Variants in DLG2 observed in about 807,000 individuals in gnomAD.
DLG2 encodes discs large MAGUK scaffold protein 2.
Under a neutral mutation model 132.5 loss-of-function variants are expected in DLG2, and 45 were observed. The ratio of observed to expected loss-of-function variants is 0.34; its 90% CI spans 0.27 to 0.44. DLG2 has a LOEUF of 0.44. Ranked by LOEUF, DLG2 falls within the 20% of genes least tolerant of loss-of-function variation. The pLI, the probability that DLG2 is intolerant of heterozygous loss-of-function variation, is 1.00. For missense variants in DLG2, 1,045 were observed against 1,196.9 expected (o/e 0.87, Z 1.87); for synonymous variants, 424 against 419.6 (o/e 1.01, Z -0.13).
At chr11:84,016,794 AG>A (rs1186492456) in intron 11 of DLG2, among the ~76,000 whole-genome samples, 1 of 152,134 alleles carries the variant, frequency 6.6e-6, no homozygotes, top group Non-Finnish European at 1.5e-5. Flanking sequence ...CAAGAGATCA[AG>A]TAAAACATTC....
At chr11:84,205,175 A>T (rs2096649239) in intron 8 of DLG2, among the ~76,000 whole-genome samples, 3 of 152,218 alleles carry the variant, frequency 2.0e-5, no homozygotes, top group African/African-American at 7.2e-5. Context: ...TAAAAGACAG[A>T]TTCAGCAGAA....
chr11:83,516,603 C>T (rs1239990919), intron 21 of DLG2, among the ~76,000 whole-genome samples: 1 of 152,222 alleles, frequency 6.6e-6, no homozygotes, highest in Non-Finnish European at 1.5e-5. Context: ...TTAGTTGATG[C>T]AGTTTCCTCT....
Position 84,621,007 on chromosome 11 carries a change from G to A in DLG2, c.358-86276C>T, listed in dbSNP as rs113589923. Among the ~76,000 whole-genome samples, 626 of 152,074 alleles carry A rather than the reference G, an allele frequency of 4.1e-3. 7 individuals carry two copies. Among genetic ancestry groups the A allele is most frequent in the African/African-American group, 0.014 (597 of 41,516 alleles). The stretch of plus-strand genomic sequence containing the variant: ...CAGAAATATTGCACAGAGTAGAAAC[G>A]AACAATATACTACTACATGCAACAA... On this transcript the variant is annotated intron_variant, in intron 6 of 27. Coordinates refer to ENST00000376104, the MANE Select transcript of DLG2 (RefSeq NM_001142699.3).
chr11:84,154,189 G>A (rs1046137264), intron 9 of DLG2, among the ~76,000 whole-genome samples: 1 of 152,042 alleles, frequency 6.6e-6, no homozygotes, highest in Non-Finnish European at 1.5e-5. Context: ...ATACAGATGG[G>A]GTTTCACCAT....
chr11:84,961,982 C>T (rs929602156), intron 6 of DLG2, among the ~76,000 whole-genome samples: 14 of 152,198 alleles, frequency 9.2e-5, no homozygotes, highest in African/African-American at 3.4e-4. Flanking sequence ...GCCCCTGCCA[C>T]TGACAGGGTG....
intron 21 of DLG2, among the ~76,000 whole-genome samples, chr11:83,514,830 G>C (rs1041360893): frequency 6.6e-6 from 1 of 152,114 alleles, no homozygotes; most frequent in Non-Finnish European, 1.5e-5. Flanking sequence ...GCTGGATTAC[G>C]TTTATTGATT....
At chr11:84,410,473 A>G (rs1475601103) in intron 7 of DLG2, among the ~76,000 whole-genome samples, 1 of 152,102 alleles carries the variant, frequency 6.6e-6, no homozygotes, top group African/African-American at 2.4e-5. Context: ...CAATTTAGAC[A>G]GCTTCTTTGG....
chr11:83,597,907 T>C (rs2057896725), intron 19 of DLG2, among the ~76,000 whole-genome samples: 1 of 152,260 alleles, frequency 6.6e-6, no homozygotes, highest in Non-Finnish European at 1.5e-5. Flanking sequence ...TTCTTATGCC[T>C]ATCTTTACAA....
intron 18 of DLG2, among the ~76,000 whole-genome samples, chr11:83,648,276 CACCTAG>C (rs2153507996): frequency 6.6e-6 from 1 of 152,230 alleles, no homozygotes; most frequent in East Asian, 1.9e-4. Context: ...GAAGAGTTAA[CACCTAG>C]ACCTAATCTT....
chr11:84,632,867 A>G (rs1011029086), intron 6 of DLG2, among the ~76,000 whole-genome samples: 1 of 152,196 alleles, frequency 6.6e-6, no homozygotes, highest in Non-Finnish European at 1.5e-5. Flanking sequence ...ACTGCACGCA[A>G]GCTCCTGTCT....
chr11:85,041,157 A>T (rs1363162862), intron 6 of DLG2, among the ~76,000 whole-genome samples: 1 of 151,884 alleles, frequency 6.6e-6, no homozygotes, highest in Non-Finnish European at 1.5e-5. Flanking sequence ...CCAAAACGAA[A>T]TATATCTTTA....
At chr11:85,418,537 T>A (rs1222998729) in intron 3 of DLG2, among the ~76,000 whole-genome samples, 1 of 152,180 alleles carries the variant, frequency 6.6e-6, no homozygotes, top group African/African-American at 2.4e-5. Context: ...ATATTGACAA[T>A]GGGGTGCTAA....
At chr11:83,930,107 G>T (rs1001236655) in intron 15 of DLG2, among the ~76,000 whole-genome samples, 5 of 152,156 alleles carry the variant, frequency 3.3e-5, no homozygotes, top group African/African-American at 1.2e-4. Flanking sequence ...AGCATCATGT[G>T]ATCAATGTCT....
chr11:85,482,378 C>G (rs1421313633), intron 3 of DLG2, among the ~76,000 whole-genome samples: 1 of 152,170 alleles, frequency 6.6e-6, no homozygotes, highest in Non-Finnish European at 1.5e-5. Flanking sequence ...CTTCCCAGTG[C>G]AAGGCCAGTC....
chr11:84,522,757 C>T (rs566679154), intron 7 of DLG2, among the ~76,000 whole-genome samples: 16 of 152,278 alleles, frequency 1.1e-4, no homozygotes, highest in African/African-American at 3.4e-4. Flanking sequence ...AAATTGCCTT[C>T]TGGACTATTT....
At chr11:84,304,607 G>A (rs983325885) in intron 7 of DLG2, among the ~76,000 whole-genome samples, 5 of 152,162 alleles carry the variant, frequency 3.3e-5, no homozygotes, top group African/African-American at 9.7e-5. Context: ...CTCTGCCATT[G>A]CAGCACAAAA....
chr11:84,333,264 T>C (rs1442630428), intron 7 of DLG2, among the ~76,000 whole-genome samples: 1 of 152,244 alleles, frequency 6.6e-6, no homozygotes, highest in Admixed American at 6.5e-5. Context: ...AATGAAATTG[T>C]GCTGTTAAAC....
chr11:85,100,264 T>C (rs2070662804), intron 6 of DLG2, among the ~76,000 whole-genome samples: 1 of 152,138 alleles, frequency 6.6e-6, no homozygotes, highest in South Asian at 2.1e-4. Flanking sequence ...AGTTCTCTAG[T>C]GCTGATAATA....
intron 7 of DLG2, among the ~76,000 whole-genome samples, chr11:84,361,594 T>C (rs2098650090): frequency 6.6e-6 from 1 of 152,006 alleles, no homozygotes; most frequent in African/African-American, 2.4e-5. Context: ...AGGAAACGTA[T>C]ATCTATACAC....
Sources: allele counts gnomAD v4.1 joint callset (sites outside exome capture counted in the v4.1 genomes callset), GRCh38; gene constraint gnomAD v4.1.1; transcripts MANE v1.5; gene names NCBI Gene and HGNC (gene_info 2026-07-23, HGNC 2026-07-21).